PAMR1: variants seen among roughly 807,000 people sequenced by gnomAD.
PAMR1 encodes peptidase domain containing associated with muscle regeneration 1, also known as inactive serine protease PAMR1.
Under a neutral mutation model 81.8 loss-of-function variants are expected in PAMR1, and 88 were observed. The ratio of observed to expected loss-of-function variants is 1.08; its 90% CI spans 0.91 to 1.28. The LOEUF is 1.28. Ranked by LOEUF, PAMR1 falls within the 50% of genes most tolerant of loss-of-function variation. The pLI, the probability that PAMR1 is intolerant of heterozygous loss-of-function variation, is 0.00. For missense variants in PAMR1, 935 were observed against 919.7 expected, an observed-to-expected ratio of 1.02 and a Z score of -0.21; for synonymous variants, 336 against 345.3, an observed-to-expected ratio of 0.97 and a Z score of 0.30.
chr11:35,458,030 A>G (rs1042606706), intron 6 of PAMR1, among the ~76,000 whole-genome samples: 1 of 152,228 alleles, frequency 6.6e-6, no homozygotes, highest in African/African-American at 2.4e-5. Flanking sequence ...ATAAAAGTAC[A>G]AGACAGCTGG....
At chr11:35,454,120 T>C (rs1410971689) in intron 6 of PAMR1, among the ~76,000 whole-genome samples, 1 of 152,212 alleles carries the variant, frequency 6.6e-6, no homozygotes, top group African/African-American at 2.4e-5. Flanking sequence ...TGTGATGGCT[T>C]TGGAATGGCT....
intron 6 of PAMR1, among the ~76,000 whole-genome samples, chr11:35,448,379 C>T (rs1856340420): frequency 6.6e-6 from 1 of 151,816 alleles, no homozygotes; most frequent in Non-Finnish European, 1.5e-5. Context: ...TGTCTTATTT[C>T]AGCAGGATAG....
Position 35,454,551 on chromosome 11 carries a change from T to C in PAMR1, c.821-12858A>G, listed in dbSNP as rs187193153. Among the ~76,000 whole-genome samples, 179 of 152,210 alleles carry C rather than the reference T, an allele frequency of 1.2e-3. 1 individual carries two copies. Among genetic ancestry groups the C allele is most frequent in the African/African-American group, 4.0e-3 (165 of 41,520 alleles). On this transcript the variant is annotated intron_variant, in intron 6 of 10. Coordinates refer to ENST00000619888, the MANE Select transcript of PAMR1 (RefSeq NM_001001991.3). ...TCCTGGGAGTGCTTCCTTTGATAAATCAGTTGGACCCAAGCACGTGACTCA... is the reference window on the plus strand; with the variant it reads ...TCCTGGGAGTGCTTCCTTTGATAAACCAGTTGGACCCAAGCACGTGACTCA...
chr11:35,436,133 T>C lies in PAMR1; in HGVS notation c.1103A>G (p.Glu368Gly). ...RVLPMQVQSR[E>G]TPLHQLYSAA... ...TGAGTATAGCTGGTGTAATGGTGTC[T>C]CCCTGGGTCAGGAAACATGGGCCCA... Residue 368 changes from glutamate to glycine, a missense_variant and splice_region_variant, in exon 9 of 11, where the codon GAG (glutamate) becomes GGG (glycine). Physicochemically the swap from Glu to Gly is moderately conservative, Grantham distance 98. Coordinates refer to ENST00000619888, the MANE Select transcript of PAMR1 (RefSeq NM_001001991.3). 5.6e-6 allele frequency: 9 copies of C among 1,608,904 alleles called. No homozygotes were observed. Among genetic ancestry groups the C allele is most frequent in the Non-Finnish European group, 7.7e-6 (9 of 1,175,472 alleles).
At chr11:35,509,022 C>G (rs1048034729) in intron 1 of PAMR1, among the ~76,000 whole-genome samples, 15 of 152,122 alleles carry the variant, frequency 9.9e-5, no homozygotes, top group Non-Finnish European at 1.6e-4. Flanking sequence ...TATGAGAACA[C>G]CATCATATAT....
At chr11:35,487,011 T>C (rs986429110) in intron 3 of PAMR1, among the ~76,000 whole-genome samples, 2 of 152,122 alleles carry the variant, frequency 1.3e-5, no homozygotes, top group African/African-American at 4.8e-5. Context: ...TATGTGCACC[T>C]GTGTGTTTGG....
At chr11:35,436,482 A>G (rs1856046621) in intron 8 of PAMR1, among the ~76,000 whole-genome samples, 1 of 152,112 alleles carries the variant, frequency 6.6e-6, no homozygotes, top group African/African-American at 2.4e-5. Context: ...ATGGGTTTTC[A>G]TCATGTTGTC....
chr11:35,515,811 C>T (rs1851152202), intron 1 of PAMR1, among the ~76,000 whole-genome samples: 2 of 151,038 alleles, frequency 1.3e-5, no homozygotes, highest in South Asian at 2.1e-4. Context: ...TGTCAACAGA[C>T]AGATGTATGC....
intron 1 of PAMR1, among the ~76,000 whole-genome samples, chr11:35,498,908 G>C (rs1259839677): frequency 6.6e-6 from 1 of 152,140 alleles, no homozygotes; most frequent in East Asian, 1.9e-4. Context: ...ACTATCCTAT[G>C]TGTTTCCTTT....
chr11:35,502,833 T>C (rs955331314), intron 1 of PAMR1, among the ~76,000 whole-genome samples: 1 of 151,030 alleles, frequency 6.6e-6, no homozygotes, highest in African/African-American at 2.4e-5. Context: ...CAGAAGCCTT[T>C]AAGCTTCATG....
chr11:35,482,447 T>C (rs1291068032), intron 3 of PAMR1, among the ~76,000 whole-genome samples: 1 of 152,236 alleles, frequency 6.6e-6, no homozygotes, highest in Non-Finnish European at 1.5e-5. Flanking sequence ...AGCCTTGTAA[T>C]ATAGTTTGAA....
chr11:35,524,587 C>T (rs1368406961), intron 1 of PAMR1, among the ~76,000 whole-genome samples: 3 of 152,192 alleles, frequency 2.0e-5, no homozygotes, highest in African/African-American at 7.2e-5. Flanking sequence ...AAGGCTCGTA[C>T]ATAACCTGCC....
At chr11:35,454,860 C>T (rs1413255970) in intron 6 of PAMR1, among the ~76,000 whole-genome samples, 2 of 152,202 alleles carry the variant, frequency 1.3e-5, no homozygotes, top group African/African-American at 4.8e-5. Context: ...AGCCCCACAC[C>T]AGCCAAGATG....
At chr11:35,466,251 A>G (rs1257186713) in intron 6 of PAMR1, among the ~76,000 whole-genome samples, 1 of 152,184 alleles carries the variant, frequency 6.6e-6, no homozygotes, top group Admixed American at 6.5e-5. Context: ...CTTGCACACA[A>G]CATGGCAGGC....
intron 6 of PAMR1, among the ~76,000 whole-genome samples, chr11:35,458,401 A>G (rs1856579334): frequency 6.6e-6 from 1 of 152,220 alleles, no homozygotes; most frequent in Non-Finnish European, 1.5e-5. Context: ...AAGAGTTTGC[A>G]GTGATTTACA....
intron 3 of PAMR1, among the ~76,000 whole-genome samples, chr11:35,491,804 C>G (rs1430943688): frequency 6.6e-6 from 1 of 152,220 alleles, no homozygotes; most frequent in Non-Finnish European, 1.5e-5. Context: ...CTTGGCCTCA[C>G]TTAGGAAGAG....
In PAMR1 at chr11:35,512,956, A is replaced by G. The variant is rs1851099346; in HGVS notation, c.73+12557T>C. Among the ~76,000 whole-genome samples, 3 of 152,198 alleles carry G rather than the reference A, an allele frequency of 2.0e-5. No individual in the cohort carries two copies. The South Asian group carries it at 6.2e-4, about 32-fold the overall frequency. On this transcript the variant is annotated intron_variant, in intron 1 of 10. Coordinates refer to ENST00000619888, the MANE Select transcript of PAMR1 (RefSeq NM_001001991.3). ...CAGTGAGTTGTGATCACACCACTGC[A>G]CTCCAGCCTGGGTGACAGAGTGAGA...
chr11:35,470,615 T>C lies in PAMR1; in HGVS notation c.698A>G (p.Tyr233Cys). Residue 233 changes from tyrosine (Y) to cysteine (C), a missense_variant, in exon 5 of 11, where the codon TAT (tyrosine) becomes TGT (cysteine). Coordinates refer to ENST00000619888, the MANE Select transcript of PAMR1 (RefSeq NM_001001991.3). ...SKNFDGFHAI[Y>C]EEITACSSSP... ...TTGGCCTTTACCTGTGATCTCCTCA[T>C]AAATGGCATGGAAACCGTCAAAATT... The C allele has an allele frequency of 2.5e-6, 4 of 1,614,014 alleles. No individual in the cohort carries two copies. In the South Asian group the frequency reaches 3.3e-5, roughly 13 times the overall value.
intron 4 of PAMR1, among the ~76,000 whole-genome samples, chr11:35,471,460 G>GA (rs1284074712): frequency 1.3e-5 from 2 of 151,928 alleles, no homozygotes; most frequent in African/African-American, 2.4e-5. Context: ...GTTGGAGAAT[G>GA]AAAAAAAGCT....
Sources: allele counts gnomAD v4.1 joint callset (sites outside exome capture counted in the v4.1 genomes callset), GRCh38; gene constraint gnomAD v4.1.1; transcripts MANE v1.5; gene names NCBI Gene and HGNC (gene_info 2026-07-23, HGNC 2026-07-21).